ADAMTS17: variants seen among roughly 807,000 people sequenced by gnomAD.
The protein encoded by ADAMTS17 is ADAM metallopeptidase with thrombospondin type 1 motif 17.
In ADAMTS17, 113 loss-of-function variants were observed where a neutral mutation model predicts 141.5. That is an observed-to-expected ratio of 0.80 (90% CI 0.69 to 0.93). ADAMTS17 has a LOEUF of 0.93. Ranked by LOEUF, ADAMTS17 falls within the 40% of genes least tolerant of loss-of-function variation. The pLI, the probability that ADAMTS17 is intolerant of heterozygous loss-of-function variation, is 0.00. For synonymous variants in ADAMTS17, 768 were observed against 630.6 expected, an observed-to-expected ratio of 1.22 and a Z score of -3.27; for missense variants, 1,659 against 1,517.9, an observed-to-expected ratio of 1.09 and a Z score of -1.54.
chr15:100,203,038 G>T (rs2141660584), intron 7 of ADAMTS17, among the ~76,000 whole-genome samples: 1 of 152,306 alleles, frequency 6.6e-6, no homozygotes, highest in East Asian at 1.9e-4. Context: ...CAAAACGGAG[G>T]CAGAAAGGCA....
At chr15:100,192,889 C>G (rs1452700366) in intron 8 of ADAMTS17, among the ~76,000 whole-genome samples, 1 of 152,162 alleles carries the variant, frequency 6.6e-6, no homozygotes, top group African/African-American at 2.4e-5. Flanking sequence ...ATCACTCCCC[C>G]AGACATGTGT....
At position 100,155,204 on chromosome 15, in the gene ADAMTS17, C is replaced by T. The variant is rs553814602; in HGVS notation, c.1298G>A (p.Arg433Gln). ...CTTGAGGAAGTTTTCAAGGTCATCT[C>T]GGCTGCAGGAGGACCAAGAGAGGTC... is the stretch of plus-strand genomic sequence containing the variant. ...PSDLSWSSCSRDDLENFLKSK... is the reference protein window; with the variant it reads ...PSDLSWSSCSQDDLENFLKSK... Residue 433 changes from arginine (R) to glutamine (Q), a missense_variant, in exon 9 of 22, where the codon CGA becomes CAA. Arg to Gln is a conservative substitution (Grantham distance 43). Transcript: ENST00000268070. The T allele has an allele frequency of 5.0e-6, 8 of 1,614,196 alleles. No homozygotes were observed. Among genetic ancestry groups the T allele is most frequent in the African/African-American group, 2.7e-5 (2 of 75,036 alleles).
At chr15:100,134,008 T>C (rs1378323049) in intron 10 of ADAMTS17, among the ~76,000 whole-genome samples, 2 of 152,216 alleles carry the variant, frequency 1.3e-5, no homozygotes, top group Admixed American at 6.5e-5. Context: ...GACTCCCAAC[T>C]GTATCATTAG....
chr15:100,068,811 C>A (rs2033749573), intron 15 of ADAMTS17, among the ~76,000 whole-genome samples: 2 of 152,156 alleles, frequency 1.3e-5, no homozygotes, highest in South Asian at 2.1e-4. Context: ...AAAAACAGAG[C>A]AGAAAAACTG....
At chr15:100,227,680 G>A (rs534944836) in intron 7 of ADAMTS17, among the ~76,000 whole-genome samples, 3 of 152,296 alleles carry the variant, frequency 2.0e-5, no homozygotes, top group Non-Finnish European at 4.4e-5. Flanking sequence ...TTCCCAGGGT[G>A]GAAAACCTTT....
At chr15:100,254,076 T>C in intron 7 of ADAMTS17, 60 bp downstream of exon 7, 1 of 1,520,432 alleles carries the variant, frequency 6.6e-7, no homozygotes, top group Admixed American at 1.7e-5. Context: ...GACCAGGAAG[T>C]CTCCAGATTC....
intron 6 of ADAMTS17, among the ~76,000 whole-genome samples, chr15:100,258,154 G>C (rs990398675): frequency 6.6e-6 from 1 of 152,224 alleles, no homozygotes; most frequent in Non-Finnish European, 1.5e-5. Flanking sequence ...CCTCTTGGCT[G>C]TCATGAATAA....
In ADAMTS17 at chr15:100,226,523, G is replaced by A. The variant is rs1039974721; in HGVS notation, c.1076-27100C>T. ...GAGGCTTTTCCGTGAAACTGAACTCGTGATATGGACACATGCAGAGGCCAA... is the reference window on the plus strand; with the variant it reads ...GAGGCTTTTCCGTGAAACTGAACTCATGATATGGACACATGCAGAGGCCAA... On this transcript the variant is annotated intron_variant, in intron 7 of 21. Coordinates refer to ENST00000268070, the MANE Select transcript of ADAMTS17 (RefSeq NM_139057.4). Among the ~76,000 whole-genome samples, 10 of 152,370 alleles carry A rather than the reference G, an allele frequency of 6.6e-5. No individual in the cohort carries two copies. The East Asian group carries it at 1.2e-3, about 18-fold the overall frequency.
intron 2 of ADAMTS17, among the ~76,000 whole-genome samples, chr15:100,338,519 C>T (rs767895326): frequency 6.6e-6 from 1 of 152,228 alleles, no homozygotes; most frequent in Non-Finnish European, 1.5e-5. Context: ...CCATCCGTAG[C>T]TGTAGCTGCT....
intron 9 of ADAMTS17, among the ~76,000 whole-genome samples, chr15:100,153,426 AGG>A (rs1555464667): frequency 4.6e-5 from 7 of 151,828 alleles, no homozygotes; most frequent in Non-Finnish European, 8.8e-5. Context: ...GGATCACTTG[AGG>A]TCAGGAGTTC....
At chr15:100,299,128 C>T (rs1030284530) in intron 3 of ADAMTS17, among the ~76,000 whole-genome samples, 26 of 152,092 alleles carry the variant, frequency 1.7e-4, no homozygotes, top group Non-Finnish European at 5.9e-5. Context: ...TTTAAAGACC[C>T]CATCTGCAAA....
intron 15 of ADAMTS17, among the ~76,000 whole-genome samples, chr15:100,065,003 T>C (rs1356179240): frequency 6.6e-6 from 1 of 152,212 alleles, no homozygotes; most frequent in Non-Finnish European, 1.5e-5. Context: ...TAGAGATTTC[T>C]AGGTTCAACT....
intron 18 of ADAMTS17, among the ~76,000 whole-genome samples, chr15:100,027,576 T>C (rs567566517): frequency 3.2e-4 from 49 of 152,334 alleles, no homozygotes; most frequent in African/African-American, 1.1e-3. Flanking sequence ...TGTCTATACA[T>C]TGTTTGTAGC....
At chr15:100,004,405 C>T (rs1233238658) in intron 18 of ADAMTS17, among the ~76,000 whole-genome samples, 13 of 152,126 alleles carry the variant, frequency 8.5e-5, no homozygotes, top group African/African-American at 1.2e-4. Context: ...GACACTTGAA[C>T]GACACTGTGC....
intron 15 of ADAMTS17, among the ~76,000 whole-genome samples, chr15:100,077,503 A>T (rs1022952340): frequency 1.8e-4 from 27 of 151,774 alleles, no homozygotes; most frequent in Admixed American, 9.2e-4. Context: ...CTCCATGTTA[A>T]TAAGGAGCAA....
At chr15:100,228,882 C>G (rs2042390704) in intron 7 of ADAMTS17, among the ~76,000 whole-genome samples, 1 of 152,216 alleles carries the variant, frequency 6.6e-6, no homozygotes, top group Non-Finnish European at 1.5e-5. Flanking sequence ...GGGCTCACCA[C>G]CCACAGTGTC....
At chr15:100,079,117 T>A (rs1457621025) in intron 15 of ADAMTS17, among the ~76,000 whole-genome samples, 4 of 152,210 alleles carry the variant, frequency 2.6e-5, no homozygotes, top group Non-Finnish European at 4.4e-5. Context: ...AAACGTAAAG[T>A]GGTGCCGCCA....
chr15:99,990,192 C>T (rs530183690), intron 20 of ADAMTS17, among the ~76,000 whole-genome samples: 48 of 152,296 alleles, frequency 3.2e-4, no homozygotes, highest in African/African-American at 8.9e-4. Flanking sequence ...TGTGCCACCA[C>T]GCCCAGCTAT....
At chr15:100,172,693 C>T (rs115310942) in intron 8 of ADAMTS17, among the ~76,000 whole-genome samples, 1,874 of 152,262 alleles carry the variant, frequency 0.012, 35 homozygotes, top group African/African-American at 0.042. Context: ...TTAGACTGTG[C>T]GGTCCCACCC....
Sources: gnomAD v4.1 joint callset for allele counts (sites outside exome capture counted in the v4.1 genomes callset) on GRCh38, gnomAD v4.1.1 for gene constraint, MANE v1.5 for transcripts, NCBI Gene and HGNC (gene_info 2026-07-23, HGNC 2026-07-21) for gene names.